The following GABPB1 variants were observed in gnomAD, a reference collection of about 807,000 sequenced individuals.
GABPB1 encodes the protein GA-binding protein subunit beta-1.
Under a neutral mutation model 45.9 loss-of-function variants are expected in GABPB1, and 15 were observed. The observed-to-expected ratio is 0.33, with a 90% CI of 0.22 to 0.50. GABPB1 has a LOEUF of 0.50. GABPB1 is among the 20% of genes least tolerant of loss of function. GABPB1 has a pLI of 0.98. For synonymous variants in GABPB1, 143 were observed against 154.4 expected (o/e 0.93, Z 0.55); for missense variants, 252 against 457.5 (o/e 0.55, Z 4.10).
At chr15:50,311,596 G>A (rs892612720) in intron 1 of GABPB1, among the ~76,000 whole-genome samples, 3 of 151,938 alleles carry the variant, frequency 2.0e-5, no homozygotes, top group Admixed American at 2.0e-4. Context: ...TAGGGATGCT[G>A]AACCAGTAAG....
At chr15:50,336,070 G>A (rs1329605950) in intron 1 of GABPB1, among the ~76,000 whole-genome samples, 1 of 151,784 alleles carries the variant, frequency 6.6e-6, no homozygotes, top group East Asian at 1.9e-4. Context: ...TGATTTTGAG[G>A]CTTGGCATGG....
At chr15:50,291,140 T>G (rs571953266) in intron 6 of GABPB1, among the ~76,000 whole-genome samples, 1 of 152,186 alleles carries the variant, frequency 6.6e-6, no homozygotes, top group Non-Finnish European at 1.5e-5. Flanking sequence ...GAATATGTAC[T>G]GTCTACCTTC....
At chr15:50,330,768 A>G (rs186402237) in intron 1 of GABPB1, among the ~76,000 whole-genome samples, 4 of 152,334 alleles carry the variant, frequency 2.6e-5, no homozygotes, top group African/African-American at 9.6e-5. Flanking sequence ...CATAATCTCT[A>G]TGTTTCTCTT....
At chr15:50,315,146 T>C (rs2047272044) in intron 1 of GABPB1, among the ~76,000 whole-genome samples, 1 of 152,206 alleles carries the variant, frequency 6.6e-6, no homozygotes, top group Non-Finnish European at 1.5e-5. Flanking sequence ...CTTTCTTTTC[T>C]TTTGAGATAG....
At chr15:50,283,229 CGTTT>C (rs1278851277) in intron 8 of GABPB1, among the ~76,000 whole-genome samples, 1 of 151,998 alleles carries the variant, frequency 6.6e-6, no homozygotes, top group Non-Finnish European at 1.5e-5. Context: ...AATAGTCTAA[CGTTT>C]ATTTTTGGAA....
chr15:50,334,840 T>G (rs1299946212), intron 1 of GABPB1, among the ~76,000 whole-genome samples: 1 of 152,216 alleles, frequency 6.6e-6, no homozygotes, highest in Non-Finnish European at 1.5e-5. Context: ...TGTCACTTAT[T>G]TCTGTAAACA....
At chr15:50,296,146 T>C (rs2046502082) in intron 6 of GABPB1, among the ~76,000 whole-genome samples, 1 of 152,206 alleles carries the variant, frequency 6.6e-6, no homozygotes, top group African/African-American at 2.4e-5. Context: ...GCCAACCAGC[T>C]AGTTTCCATT....
chr15:50,339,291 C>G (rs568774365), intron 1 of GABPB1, among the ~76,000 whole-genome samples: 3 of 152,098 alleles, frequency 2.0e-5, no homozygotes, highest in Non-Finnish European at 4.4e-5. Flanking sequence ...GCACTCCAGT[C>G]TGGGCAACAA....
intron 1 of GABPB1, among the ~76,000 whole-genome samples, chr15:50,316,155 A>G (rs2047319861): frequency 6.6e-6 from 1 of 152,252 alleles, no homozygotes; most frequent in Non-Finnish European, 1.5e-5. Flanking sequence ...GCTGTGGCAA[A>G]TAAGTTCTTT....
intron 1 of GABPB1, among the ~76,000 whole-genome samples, chr15:50,334,939 T>C (rs899882488): frequency 8.5e-5 from 13 of 152,232 alleles, no homozygotes; most frequent in African/African-American, 2.7e-4. Flanking sequence ...TACTGGTTCA[T>C]GCCTATGGTT....
At chr15:50,323,336 G>A (rs779191272) in intron 1 of GABPB1, among the ~76,000 whole-genome samples, 1 of 152,152 alleles carries the variant, frequency 6.6e-6, no homozygotes, top group South Asian at 2.1e-4. Context: ...TAGGAGCCAT[G>A]ACAACAAAAC....
At position 50,353,391 on chromosome 15, in the gene GABPB1, T is replaced by G. The variant is rs181637313; in HGVS notation, c.-1+1594A>C. 8.1e-4 allele frequency: 121 copies of G among 149,858 alleles called. 1 individual carries two copies. The highest frequency in any genetic ancestry group is 3.4e-3 in the Middle Eastern group (1 of 290). 9.3% of individuals were successfully genotyped at this position (149,858 alleles called of 1,614,324 possible). A position where few individuals can be genotyped will look rare whatever the true frequency, so the allele number is the denominator to read the frequency against. On this transcript the variant is annotated intron_variant, in intron 1 of 8. Transcript: ENST00000380877. The stretch of plus-strand genomic sequence containing the variant: ...AGAATGACACATTTCTGTTTTTTGG[T>G]TTTTTTTTTAAAAAAGTATGAGTGT...
chr15:50,292,180 G>A (rs2046368198), intron 6 of GABPB1, among the ~76,000 whole-genome samples: 1 of 151,520 alleles, frequency 6.6e-6, no homozygotes, highest in Non-Finnish European at 1.5e-5. Flanking sequence ...CGGGCGCGGT[G>A]GTGGGCGCCT....
At chr15:50,284,456 A>G (rs758887085) in intron 8 of GABPB1, among the ~76,000 whole-genome samples, 1 of 152,186 alleles carries the variant, frequency 6.6e-6, no homozygotes, top group Non-Finnish European at 1.5e-5. Context: ...CTAAAACTGA[A>G]TCTCCCTAAA....
intron 7 of GABPB1, among the ~76,000 whole-genome samples, chr15:50,288,884 G>C (rs982316962): frequency 2.0e-5 from 3 of 151,652 alleles, no homozygotes; most frequent in Non-Finnish European, 4.4e-5. Context: ...GGAATGCAGT[G>C]GCATGATAAT....
intron 1 of GABPB1, among the ~76,000 whole-genome samples, chr15:50,336,975 G>A (rs1194507875): frequency 1.3e-5 from 2 of 150,496 alleles, no homozygotes; most frequent in East Asian, 3.9e-4. Context: ...AGCCCAAGAG[G>A]TTGAGGCTGC....
intron 1 of GABPB1, among the ~76,000 whole-genome samples, chr15:50,346,976 G>C (rs572320541): frequency 1.3e-5 from 2 of 152,032 alleles, no homozygotes; most frequent in East Asian, 3.9e-4. Flanking sequence ...TTTTAGTAGA[G>C]ATGGGGTTTC....
intron 6 of GABPB1, among the ~76,000 whole-genome samples, chr15:50,298,032 T>C (rs2046583339): frequency 6.6e-6 from 1 of 152,184 alleles, no homozygotes; most frequent in Non-Finnish European, 1.5e-5. Flanking sequence ...ATGTCAAAAT[T>C]TCCAGCTGAC....
intron 8 of GABPB1, among the ~76,000 whole-genome samples, chr15:50,282,595 A>G (rs745867946): frequency 4.0e-5 from 6 of 150,886 alleles, no homozygotes; most frequent in Non-Finnish European, 7.4e-5. Context: ...ATGTGACTAT[A>G]AACATTTTTA....
Sources: gnomAD v4.1 joint callset for allele counts (sites outside exome capture counted in the v4.1 genomes callset) on GRCh38, gnomAD v4.1.1 for gene constraint, MANE v1.5 for transcripts, NCBI Gene and HGNC (gene_info 2026-07-23, HGNC 2026-07-21) for gene names.